Variants in LRRC63 observed in about 807,000 individuals in gnomAD.
LRRC63 encodes the protein leucine-rich repeat-containing protein 63.
LRRC63 carries 40 observed loss-of-function variants against 49.5 expected under a neutral mutation model. The observed-to-expected ratio is 0.81, with a 90% CI of 0.63 to 1.05. The LOEUF (loss-of-function observed/expected upper bound fraction) is 1.05. Ranked by LOEUF, LRRC63 falls within the 50% of genes least tolerant of loss-of-function variation. The probability of loss-of-function intolerance (pLI) is 0.00; values close to 1 mark genes in which losing one functional copy is unlikely to be tolerated. For missense variants in LRRC63, 636 were observed against 663.1 expected (o/e 0.96, Z 0.45); for synonymous variants, 191 against 221.1 (o/e 0.86, Z 1.21).
chr13:46,234,453 C>T, intron 5 of LRRC63, 104 bp downstream of exon 5: 1 of 1,085,312 alleles, frequency 9.2e-7, no homozygotes, highest in South Asian at 1.9e-5. Context: ...GGGGAATTTT[C>T]CTATTACAAT....
chr13:46,223,478 T>TG (rs368531792), intron 2 of LRRC63, among the ~76,000 whole-genome samples: 4,248 of 119,884 alleles, frequency 0.035, 98 homozygotes, highest in African/African-American at 0.084. Context: ...GCTGACAGTT[T>TG]TTTTTGTTTT....
At chr13:46,230,814 A>G (rs958963922) in intron 4 of LRRC63, among the ~76,000 whole-genome samples, 3 of 152,192 alleles carry the variant, frequency 2.0e-5, no homozygotes, top group Non-Finnish European at 4.4e-5. Context: ...TATAAATTTC[A>G]ACTTTGTCAT....
intron 5 of LRRC63, among the ~76,000 whole-genome samples, chr13:46,244,590 C>T (rs2047160378): frequency 6.6e-6 from 1 of 152,058 alleles, no homozygotes; most frequent in South Asian, 2.1e-4. Flanking sequence ...GGCAACATGG[C>T]AAGACCCTGT....
Position 46,246,547 on chromosome 13 carries a change from TC to T in LRRC63, c.1013del (p.Pro338GlnfsTer3). The T allele has an allele frequency of 1.4e-6, 2 of 1,460,330 alleles. No individual in the cohort carries two copies. The highest frequency in any genetic ancestry group is 2.9e-5 in the South Asian group (2 of 68,590). 90.5% of individuals were successfully genotyped at this position (1,460,330 alleles called of 1,614,324 possible). ...TTTAGGGCTTTTTTATCCTAAATTG[TC>T]CAGACTTAACACCTTTGGCTTTCCA... is the stretch of plus-strand genomic sequence containing the variant. On this transcript the variant is annotated frameshift_variant, in exon 6 of 10. Transcript: ENST00000595396. LOFTEE classifies it high-confidence loss of function.
At chr13:46,270,629 A>T (rs779967315) in intron 9 of LRRC63, 1 of 821,314 alleles carries the variant, frequency 1.2e-6, no homozygotes, top group South Asian at 1.3e-5. Context: ...ATGAGGACTG[A>T]CATGGAGCAA....
intron 2 of LRRC63, among the ~76,000 whole-genome samples, chr13:46,213,642 G>GT (rs1224765670): frequency 6.6e-6 from 1 of 152,244 alleles, no homozygotes; most frequent in Non-Finnish European, 1.5e-5. Flanking sequence ...AACAAGATAT[G>GT]TGTTAGATAA....
At chr13:46,228,795 T>C (rs2046654847) in intron 4 of LRRC63, 62 bp downstream of exon 4, 1 of 1,154,200 alleles carries the variant, frequency 8.7e-7, no homozygotes, top group East Asian at 2.6e-5. Context: ...CTTTAAAAAA[T>C]TATGGGTGAT....
chr13:46,224,701 T>C (rs2046517536), intron 2 of LRRC63, among the ~76,000 whole-genome samples: 1 of 152,250 alleles, frequency 6.6e-6, no homozygotes. Flanking sequence ...CATCTTCCTA[T>C]TTTTTAATTC....
In LRRC63 at chr13:46,270,090, G is replaced by A. The variant is rs571784566; in HGVS notation, c.1550+3118G>A. On this transcript the variant is annotated intron_variant, in intron 9 of 9. Transcript: ENST00000595396. ...CCTGAGGTCACCATGGCTACCGAGC[G>A]CCAAACCGCAGAGCCGGTGGTGCCT... is the stretch of plus-strand genomic sequence containing the variant. 1.0e-4 allele frequency: 62 copies of A among 609,552 alleles called. No homozygotes were observed. In the Admixed American group the frequency reaches 1.3e-3, roughly 13 times the overall value. The allele number at this position is 609,552 out of a possible 1,614,324, so 37.8% of individuals were successfully genotyped here.
At chr13:46,222,000 T>C (rs2046419469) in intron 2 of LRRC63, among the ~76,000 whole-genome samples, 1 of 152,250 alleles carries the variant, frequency 6.6e-6, no homozygotes, top group Non-Finnish European at 1.5e-5. Context: ...TCTTTTTCTC[T>C]GCATCCTCAC....
intron 2 of LRRC63, among the ~76,000 whole-genome samples, chr13:46,214,292 C>T (rs2046182328): frequency 6.6e-6 from 1 of 152,168 alleles, no homozygotes; most frequent in African/African-American, 2.4e-5. Flanking sequence ...GGTAACTCAA[C>T]TTACCTGTAA....
exon 3 of LRRC63, chr13:46,227,815 G>T (rs1048857528): frequency 6.5e-7 from 1 of 1,550,020 alleles, no homozygotes; most frequent in Non-Finnish European, 8.7e-7. Context: ...AAAATGGAAA[G>T]TTCAAGAAAG....
At chr13:46,274,551 A>G (rs1330886331) in intron 9 of LRRC63, among the ~76,000 whole-genome samples, 1 of 152,160 alleles carries the variant, frequency 6.6e-6, no homozygotes, top group African/African-American at 2.4e-5. Context: ...TGTACAACTT[A>G]TCATTGCTGT....
intron 7 of LRRC63, among the ~76,000 whole-genome samples, chr13:46,251,804 A>G (rs2047390858): frequency 6.6e-6 from 1 of 151,908 alleles, no homozygotes; most frequent in Non-Finnish European, 1.5e-5. Flanking sequence ...ATCTATAATC[A>G]TAATTATACA....
chr13:46,276,494 G>C (rs73470032), intron 9 of LRRC63, 96 bp from the exon 10 acceptor site: 1 of 531,002 alleles, frequency 1.9e-6, no homozygotes, highest in African/African-American at 2.0e-5. Flanking sequence ...CTCAATGAAG[G>C]TAAGGGCAGT....
chr13:46,274,127 A>C (rs1272429607), intron 9 of LRRC63, among the ~76,000 whole-genome samples: 2 of 152,160 alleles, frequency 1.3e-5, no homozygotes, highest in Non-Finnish European at 2.9e-5. Context: ...ACTCATGTCC[A>C]TAACAGGTAA....
chr13:46,263,864 C>T (rs537334911), intron 8 of LRRC63, among the ~76,000 whole-genome samples: 195 of 152,290 alleles, frequency 1.3e-3, no homozygotes, highest in Non-Finnish European at 2.5e-3. Flanking sequence ...ACAGCTGTTT[C>T]GCTCCTTTCC....
chr13:46,269,899 C>CTATACACATATA (rs757634528), intron 9 of LRRC63, among the ~76,000 whole-genome samples: 33 of 114,306 alleles, frequency 2.9e-4, no homozygotes, highest in Non-Finnish European at 5.6e-4. Flanking sequence ...ATAGTAGACA[C>CTATACACATATA]TATATACATA....
intron 2 of LRRC63, among the ~76,000 whole-genome samples, chr13:46,223,487 T>A (rs1023982438): frequency 1.3e-5 from 2 of 148,886 alleles, no homozygotes; most frequent in South Asian, 2.1e-4. Flanking sequence ...TTTTTTTGTT[T>A]TTTTTTTTTT....
Sources: gnomAD v4.1 joint callset for allele counts (sites outside exome capture counted in the v4.1 genomes callset) on GRCh38, gnomAD v4.1.1 for gene constraint, MANE v1.5 for transcripts, NCBI Gene and HGNC (gene_info 2026-07-23, HGNC 2026-07-21) for gene names.